NBEA: variants seen among roughly 807,000 people sequenced by gnomAD.
The protein encoded by NBEA is lysosomal-trafficking regulator 2.
A neutral mutation model predicts 343.4 loss-of-function variants in NBEA; 44 were observed. The observed-to-expected ratio is 0.13, with a 90% CI of 0.10 to 0.16. NBEA has a LOEUF of 0.16. Among genes scored for constraint, NBEA ranks in the 10% least tolerant of loss-of-function variants. The pLI is 1.00. For missense variants in NBEA, 2,555 were observed against 3,631.3 expected (o/e 0.70, Z 7.62); for synonymous variants, 1,175 against 1,238.7 (o/e 0.95, Z 1.08).
At chr13:35,270,771 G>A (rs2034070562) in intron 34 of NBEA, among the ~76,000 whole-genome samples, 1 of 152,196 alleles carries the variant, frequency 6.6e-6, no homozygotes, top group South Asian at 2.1e-4. Flanking sequence ...AGCTTGGCAG[G>A]GGGAGGGGCA....
chr13:35,080,799 T>C (rs2152602709), intron 10 of NBEA, among the ~76,000 whole-genome samples: 1 of 152,304 alleles, frequency 6.6e-6, no homozygotes, highest in Middle Eastern at 3.4e-3. Context: ...GAAATCAATG[T>C]GGAAGTCAGG....
At chr13:34,943,403 G>A (rs1453696393) in intron 1 of NBEA, among the ~76,000 whole-genome samples, 1 of 152,056 alleles carries the variant, frequency 6.6e-6, no homozygotes, top group African/African-American at 2.4e-5. Flanking sequence ...TACCCGCGGT[G>A]AAGGTTTTGG....
chr13:35,476,707 C>T (rs971225847), intron 41 of NBEA: 2 of 1,033,722 alleles, frequency 1.9e-6, no homozygotes, highest in South Asian at 3.3e-5. Flanking sequence ...CAGATGCACT[C>T]GTGTGGAAAT....
intron 40 of NBEA, among the ~76,000 whole-genome samples, chr13:35,463,930 A>G (rs1430143544): frequency 6.6e-6 from 1 of 152,192 alleles, no homozygotes; most frequent in Non-Finnish European, 1.5e-5. Flanking sequence ...CTGCTGAAAA[A>G]CAGTTTAGGA....
intron 1 of NBEA, among the ~76,000 whole-genome samples, chr13:34,965,667 T>C (rs758942377): frequency 2.6e-5 from 4 of 152,044 alleles, no homozygotes; most frequent in Non-Finnish European, 5.9e-5. Context: ...AACTCACATC[T>C]ATCTCTCAAC....
In NBEA at chr13:35,510,994, A is replaced by C. The variant is rs576664351; in HGVS notation, c.6585+38458A>C. The stretch of plus-strand genomic sequence containing the variant: ...ACTTCTTAATGGATTTTCAGATAAC[A>C]TAATAATAAGTAGAAAACATGAAAA... On this transcript the variant is annotated intron_variant, in intron 41 of 58. Coordinates refer to ENST00000379939, the MANE Select transcript of NBEA (RefSeq NM_001385012.1). 2.7e-4 allele frequency among the ~76,000 whole-genome samples: 41 copies of C among 152,304 alleles called. 1 individual carries two copies. The highest frequency in any genetic ancestry group is 9.6e-4 in the African/African-American group (40 of 41,580).
At chr13:35,210,995 T>G in intron 32 of NBEA, 58 bp from the exon 33 acceptor site, 1 of 1,502,088 alleles carries the variant, frequency 6.7e-7, no homozygotes. Flanking sequence ...AATGGTGTAA[T>G]TAAAATTTTT....
chr13:35,475,307 C>T, intron 41 of NBEA: 1 of 1,614,046 alleles, frequency 6.2e-7, no homozygotes, highest in Non-Finnish European at 8.5e-7. Context: ...TCGTAGGAAA[C>T]CAGAGTCTTC....
At chr13:35,022,240 G>C (rs1593493689) in intron 1 of NBEA, among the ~76,000 whole-genome samples, 1 of 152,152 alleles carries the variant, frequency 6.6e-6, no homozygotes, top group East Asian at 1.9e-4. Context: ...TGGTTATACA[G>C]CTTTTGAAAA....
At chr13:34,983,476 A>G (rs561809753) in intron 1 of NBEA, among the ~76,000 whole-genome samples, 1 of 152,226 alleles carries the variant, frequency 6.6e-6, no homozygotes, top group Non-Finnish European at 1.5e-5. Flanking sequence ...TAGTGCCACA[A>G]TAAACATGTG....
At chr13:35,340,206 C>G (rs942789223) in intron 36 of NBEA, among the ~76,000 whole-genome samples, 8 of 152,066 alleles carry the variant, frequency 5.3e-5, no homozygotes, top group African/African-American at 1.9e-4. Flanking sequence ...ATTTGCAGTA[C>G]TTAGAAGGTT....
At chr13:35,184,482 T>C (rs547625800) in intron 30 of NBEA, among the ~76,000 whole-genome samples, 1 of 151,806 alleles carries the variant, frequency 6.6e-6, no homozygotes, top group African/African-American at 2.4e-5. Context: ...GCCCCAACAC[T>C]GTAAAGGAAT....
intron 33 of NBEA, among the ~76,000 whole-genome samples, chr13:35,219,037 T>C (rs1028515591): frequency 1.3e-5 from 2 of 152,194 alleles, no homozygotes; most frequent in African/African-American, 4.8e-5. Flanking sequence ...TTTTCTATTT[T>C]TTTCTGGTGT....
At chr13:35,099,051 T>C (rs1349142555) in intron 11 of NBEA, among the ~76,000 whole-genome samples, 2 of 144,454 alleles carry the variant, frequency 1.4e-5, no homozygotes, top group Non-Finnish European at 3.0e-5. Flanking sequence ...TTTGAGACAG[T>C]GTCTCACTCT....
chr13:35,546,383 C>T (rs1049911945), intron 41 of NBEA, among the ~76,000 whole-genome samples: 5 of 150,960 alleles, frequency 3.3e-5, no homozygotes, highest in African/African-American at 7.3e-5. Flanking sequence ...GAGAATCGCT[C>T]GAACCCAGGA....
intron 31 of NBEA, among the ~76,000 whole-genome samples, chr13:35,206,037 G>T (rs2073372296): frequency 6.6e-6 from 1 of 152,012 alleles, no homozygotes; most frequent in South Asian, 2.1e-4. Flanking sequence ...TGCTGAGTTT[G>T]CAAGCAATGA....
intron 34 of NBEA, among the ~76,000 whole-genome samples, chr13:35,242,528 G>C (rs190026141): frequency 1.3e-3 from 202 of 151,930 alleles, no homozygotes; most frequent in African/African-American, 4.8e-3. Context: ...CAAATTTTAG[G>C]AATCAGACAT....
intron 48 of NBEA, among the ~76,000 whole-genome samples, chr13:35,618,090 T>C (rs1246227546): frequency 5.3e-5 from 8 of 152,230 alleles, no homozygotes; most frequent in Non-Finnish European, 1.0e-4. Context: ...TTTATAATTT[T>C]GACTAGGATT....
chr13:34,943,503 C>G (rs1315138109), intron 1 of NBEA, among the ~76,000 whole-genome samples: 1 of 152,148 alleles, frequency 6.6e-6, no homozygotes, highest in Non-Finnish European at 1.5e-5. Context: ...GTGTCGCTCT[C>G]CGAGGATGAC....
Sources: allele counts gnomAD v4.1 joint callset (sites outside exome capture counted in the v4.1 genomes callset), GRCh38; gene constraint gnomAD v4.1.1; transcripts MANE v1.5; gene names NCBI Gene and HGNC (gene_info 2026-07-23, HGNC 2026-07-21).